PRKN: variants seen among roughly 807,000 people sequenced by gnomAD.
PRKN encodes the protein parkin RBR E3 ubiquitin protein ligase.
PRKN carries 56 observed loss-of-function variants against 59.5 expected under a neutral mutation model. The observed-to-expected ratio is 0.94, with a 90% confidence interval of 0.76 to 1.18. The LOEUF (loss-of-function observed/expected upper bound fraction) is 1.18. Among genes scored for constraint, PRKN ranks in the 50% most tolerant of loss-of-function variants. The probability of loss-of-function intolerance (pLI) is 0.00; values close to 1 mark genes in which losing one functional copy is unlikely to be tolerated. For missense variants in PRKN, 657 were observed against 596.4 expected (o/e 1.10, Z -1.06); for synonymous variants, 250 against 222.1 (o/e 1.13, Z -1.12).
At chr6:162,501,303 G>A (rs1447837012) in intron 1 of PRKN, among the ~76,000 whole-genome samples, 4 of 151,652 alleles carry the variant, frequency 2.6e-5, no homozygotes, top group Non-Finnish European at 5.9e-5. Context: ...GCCAGGCCTC[G>A]TGAAATCCAT....
intron 5 of PRKN, among the ~76,000 whole-genome samples, chr6:162,050,818 C>T (rs373346207): frequency 1.3e-5 from 2 of 152,104 alleles, no homozygotes; most frequent in South Asian, 4.1e-4. Flanking sequence ...GAGGCCACTC[C>T]CACCTCCCCC....
intron 2 of PRKN, among the ~76,000 whole-genome samples, chr6:162,282,238 T>C (rs1003973595): frequency 3.3e-5 from 5 of 152,082 alleles, no homozygotes; most frequent in African/African-American, 1.2e-4. Context: ...GGAGGCAACA[T>C]AGCAAAACCT....
intron 2 of PRKN, among the ~76,000 whole-genome samples, chr6:162,375,045 T>TA (rs1785986660): frequency 6.6e-6 from 1 of 152,126 alleles, no homozygotes; most frequent in African/African-American, 2.4e-5. Flanking sequence ...TTAGGAACAA[T>TA]TTTAGTAACA....
intron 2 of PRKN, among the ~76,000 whole-genome samples, chr6:162,284,207 A>ATTTC (rs1583314007): frequency 4.7e-5 from 3 of 63,612 alleles, no homozygotes; most frequent in East Asian, 1.6e-3. Context: ...GTATTGTGTT[A>ATTTC]TTTCTTTCTT....
intron 7 of PRKN, among the ~76,000 whole-genome samples, chr6:161,763,061 G>T (rs966078737): frequency 2.0e-5 from 3 of 152,164 alleles, no homozygotes; most frequent in Non-Finnish European, 4.4e-5. Flanking sequence ...GTGGCCTAAG[G>T]AGAGTCAACA....
At chr6:162,722,848 A>C (rs1778986894) in intron 1 of PRKN, among the ~76,000 whole-genome samples, 1 of 152,162 alleles carries the variant, frequency 6.6e-6, no homozygotes, top group African/African-American at 2.4e-5. Flanking sequence ...GTAAAGGGCA[A>C]AGGGTCATTT....
intron 3 of PRKN, among the ~76,000 whole-genome samples, chr6:162,208,639 A>C (rs913486518): frequency 1.3e-5 from 2 of 152,186 alleles, no homozygotes; most frequent in Non-Finnish European, 1.5e-5. Flanking sequence ...ACAAAGTACA[A>C]AGCCAAAAAG....
At position 161,900,209 on chromosome 6, in the gene PRKN, C is replaced by T. The variant is rs180992907; in HGVS notation, c.734+73093G>A. Among the ~76,000 whole-genome samples, 132 of 149,930 alleles carry T rather than the reference C, an allele frequency of 8.8e-4. 4 individuals are homozygous for T. The highest frequency in any genetic ancestry group is 3.1e-3 in the African/African-American group (125 of 40,070). ...AGAATAAATTTAAAGCTGAAATTAT[C>T]GAGAAGGTCTTTCTGGAACTGATAG... On this transcript the variant is annotated intron_variant, in intron 6 of 11. Coordinates refer to ENST00000366898, the MANE Select transcript of PRKN (RefSeq NM_004562.3).
At chr6:161,763,953 T>C (rs1280623260) in intron 7 of PRKN, among the ~76,000 whole-genome samples, 1 of 151,984 alleles carries the variant, frequency 6.6e-6, no homozygotes, top group African/African-American at 2.4e-5. Context: ...CCAGCAGGAG[T>C]ATTCTTTTAA....
At chr6:161,978,639 T>A (rs1008730883) in intron 5 of PRKN, among the ~76,000 whole-genome samples, 1 of 152,246 alleles carries the variant, frequency 6.6e-6, no homozygotes, top group Non-Finnish European at 1.5e-5. Context: ...AGGAAAGCTT[T>A]CTAGCTGGAG....
At chr6:161,833,058 C>T (rs573770114) in intron 6 of PRKN, among the ~76,000 whole-genome samples, 2 of 152,266 alleles carry the variant, frequency 1.3e-5, no homozygotes, top group East Asian at 3.9e-4. Context: ...CCCAAGGTCA[C>T]ATACAATTAG....
intron 4 of PRKN, among the ~76,000 whole-genome samples, chr6:162,179,161 T>C (rs1783680087): frequency 6.6e-6 from 1 of 152,224 alleles, no homozygotes; most frequent in Admixed American, 6.5e-5. Flanking sequence ...ATTACAGGTA[T>C]CAGCCACTGT....
chr6:162,256,390 A>G (rs1779640765), intron 3 of PRKN, among the ~76,000 whole-genome samples: 1 of 152,232 alleles, frequency 6.6e-6, no homozygotes, highest in Non-Finnish European at 1.5e-5. Flanking sequence ...TTATTTACTC[A>G]GAACAAATTT....
intron 1 of PRKN, among the ~76,000 whole-genome samples, chr6:162,583,320 AG>A (rs1780862405): frequency 6.6e-6 from 1 of 152,234 alleles, no homozygotes; most frequent in Non-Finnish European, 1.5e-5. Flanking sequence ...TATGTGGCAA[AG>A]GCTAGAAAGA....
At chr6:162,648,942 A>G (rs1778307399) in intron 1 of PRKN, among the ~76,000 whole-genome samples, 1 of 152,274 alleles carries the variant, frequency 6.6e-6, no homozygotes, top group East Asian at 1.9e-4. Flanking sequence ...TCATCTAATC[A>G]GTTGAAGGTC....
At chr6:162,398,192 C>T (rs1464521242) in intron 2 of PRKN, among the ~76,000 whole-genome samples, 5 of 152,032 alleles carry the variant, frequency 3.3e-5, no homozygotes, top group Non-Finnish European at 7.4e-5. Context: ...CTATGTAATA[C>T]AAACATGAAA....
chr6:161,974,235 A>C (rs956447730), intron 5 of PRKN, among the ~76,000 whole-genome samples: 9 of 152,228 alleles, frequency 5.9e-5, no homozygotes, highest in Non-Finnish European at 1.2e-4. Context: ...AGCTGAGATC[A>C]CCCCACTAAA....
At chr6:162,379,261 A>T (rs1018945269) in intron 2 of PRKN, among the ~76,000 whole-genome samples, 1 of 152,124 alleles carries the variant, frequency 6.6e-6, no homozygotes, top group African/African-American at 2.4e-5. Context: ...CAAAGGTCTC[A>T]TCACTCCATG....
intron 6 of PRKN, among the ~76,000 whole-genome samples, chr6:161,853,852 C>T (rs1562338397): frequency 6.6e-6 from 1 of 152,110 alleles, no homozygotes; most frequent in Admixed American, 6.6e-5. Context: ...CATTACTAAC[C>T]CATCATGCCC....
Sources: allele counts gnomAD v4.1 joint callset (sites outside exome capture counted in the v4.1 genomes callset), GRCh38; gene constraint gnomAD v4.1.1; transcripts MANE v1.5; gene names NCBI Gene and HGNC (gene_info 2026-07-23, HGNC 2026-07-21).